KLF8: variants seen among roughly 807,000 people sequenced by gnomAD.
KLF8 encodes KLF transcription factor 8.
In KLF8, 10 loss-of-function variants were observed where a neutral mutation model predicts 18.2. The ratio of observed to expected loss-of-function variants is 0.55; its 90% CI spans 0.34 to 0.93. KLF8 has a LOEUF of 0.93. Among genes scored for constraint, KLF8 ranks in the 40% least tolerant of loss-of-function variants. The pLI, the probability that KLF8 is intolerant of heterozygous loss-of-function variation, is 0.02. For synonymous variants in KLF8, 109 were observed against 97.3 expected (o/e 1.12, Z -0.71); for missense variants, 264 against 277.9 (o/e 0.95, Z 0.36).
the KLF8 span, among the ~76,000 whole-genome samples, chrX:56,093,893 C>T: frequency 2.5e-4 from 23 of 91,956 alleles, no homozygotes; most frequent in Non-Finnish European, 4.3e-4. Context: ...ATGGCAACAA[C>T]GTATATATTA....
At chrX:56,050,408 G>A in the KLF8 span, among the ~76,000 whole-genome samples, 2 of 112,022 alleles carry the variant, frequency 1.8e-5, no homozygotes, top group African/African-American at 6.5e-5. Flanking sequence ...GGCATTTAGT[G>A]CTATAAATTT....
chrX:56,119,352 G>A, the KLF8 span, among the ~76,000 whole-genome samples: 1 of 111,113 alleles, frequency 9.0e-6, no homozygotes, highest in Non-Finnish European at 1.9e-5. Context: ...CATCCCAGGG[G>A]AGGCCAGCTG....
At chrX:56,024,606 A>G in the KLF8 span, among the ~76,000 whole-genome samples, 1 of 111,822 alleles carries the variant, frequency 8.9e-6, no homozygotes, top group Non-Finnish European at 1.9e-5. Flanking sequence ...AGGGCTCACA[A>G]TGCTAAAGAT....
At chrX:55,926,918 G>C in the KLF8 span, among the ~76,000 whole-genome samples, 2 of 111,165 alleles carry the variant, frequency 1.8e-5, no homozygotes, top group Admixed American at 1.9e-4. Flanking sequence ...GTGAGTTGTA[G>C]GAAGTGGAAT....
the KLF8 span, among the ~76,000 whole-genome samples, chrX:56,159,069 C>A: frequency 1.8e-4 from 20 of 111,808 alleles, no homozygotes; most frequent in Non-Finnish European, 7.5e-5. Flanking sequence ...CCATCAATAC[C>A]TAATTTATTG....
chrX:56,214,815 C>T, the KLF8 span, among the ~76,000 whole-genome samples: 1 of 112,035 alleles, frequency 8.9e-6, no homozygotes, highest in African/African-American at 3.2e-5. Flanking sequence ...ATTTACTCAG[C>T]ATCACAGAGC....
At chrX:55,990,813 C>T in the KLF8 span, among the ~76,000 whole-genome samples, 6 of 111,995 alleles carry the variant, frequency 5.4e-5, no homozygotes, top group East Asian at 2.8e-4. Context: ...TGCAGAACAG[C>T]GGATACTGGT....
At chrX:56,019,482 G>A in the KLF8 span, among the ~76,000 whole-genome samples, 1 of 112,556 alleles carries the variant, frequency 8.9e-6, no homozygotes, top group African/African-American at 3.2e-5. Context: ...TTCAGTTGAT[G>A]TATTGAGCAC....
At chrX:56,030,429 T>G in the KLF8 span, among the ~76,000 whole-genome samples, 7 of 111,711 alleles carry the variant, frequency 6.3e-5, no homozygotes, top group Admixed American at 2.9e-4. Context: ...CCAAGTAGTA[T>G]TATGAGTCTG....
intron 3 of KLF8, 37 bp from the exon 4 acceptor site, chrX:56,269,341 A>G: frequency 8.5e-7 from 1 of 1,170,603 alleles, no homozygotes; most frequent in South Asian, 2.0e-5. Context: ...AGGCACATAC[A>G]TCTTCAGCTC....
chrX:56,248,255 A>G (rs1602421860), intron 1 of KLF8, among the ~76,000 whole-genome samples: 1 of 110,601 alleles, frequency 9.0e-6, no homozygotes, highest in Non-Finnish European at 1.9e-5. Flanking sequence ...ACATGGATAC[A>G]TATGTAACAA....
the KLF8 span, among the ~76,000 whole-genome samples, chrX:56,024,313 T>C: frequency 1.8e-5 from 2 of 109,760 alleles, 1 homozygote; most frequent in East Asian, 5.7e-4. Flanking sequence ...GTTCAAGCTA[T>C]TCTCTTGCCT....
At chrX:56,023,201 T>C in the KLF8 span, among the ~76,000 whole-genome samples, 2 of 111,502 alleles carry the variant, frequency 1.8e-5, no homozygotes. Context: ...AACAAGGGAA[T>C]TAAGATGGTA....
the KLF8 span, among the ~76,000 whole-genome samples, chrX:55,935,588 T>C: frequency 8.9e-6 from 1 of 112,178 alleles, no homozygotes; most frequent in East Asian, 2.8e-4. Context: ...AATAGATAAT[T>C]ATGGAATTTT....
At chrX:56,143,499 G>C in the KLF8 span, among the ~76,000 whole-genome samples, 1 of 112,197 alleles carries the variant, frequency 8.9e-6, no homozygotes. Flanking sequence ...CCAGTGTCTA[G>C]AATAGTGCCT....
chrX:56,272,701 G>A (rs2147672265), intron 5 of KLF8, among the ~76,000 whole-genome samples: 1 of 111,165 alleles, frequency 9.0e-6, no homozygotes, highest in East Asian at 2.8e-4. Context: ...TTCTGTAAGT[G>A]CCCTCATTCC....
the KLF8 span, among the ~76,000 whole-genome samples, chrX:56,089,912 T>C: frequency 2.7e-5 from 3 of 112,264 alleles, no homozygotes; most frequent in African/African-American, 9.7e-5. Context: ...AAAATAAGTA[T>C]GCTGAAATAT....
At position 56,252,596 on chromosome X, in the gene KLF8, A is replaced by T. The variant is rs2066730492; in HGVS notation, c.81+2292A>T. 4.5e-5 allele frequency among the ~76,000 whole-genome samples: 5 copies of T among 112,115 alleles called. No individual in the cohort carries two copies. In the Admixed American group the frequency reaches 4.7e-4, roughly 11 times the overall value. On this transcript the variant is annotated intron_variant, in intron 2 of 5. Transcript: ENST00000468660. ...AATAGTACTCCATTGTGTATCTGTAACACATTTTCTTTATCCATTCATCTG... is the reference window on the plus strand; with the variant it reads ...AATAGTACTCCATTGTGTATCTGTATCACATTTTCTTTATCCATTCATCTG...
the KLF8 span, among the ~76,000 whole-genome samples, chrX:56,004,315 T>A: frequency 8.9e-6 from 1 of 112,357 alleles, no homozygotes; most frequent in Non-Finnish European, 1.9e-5. Context: ...ATGATGGTAA[T>A]GGTTTTATCA....
Sources: allele counts gnomAD v4.1 joint callset (sites outside exome capture counted in the v4.1 genomes callset), GRCh38; gene constraint gnomAD v4.1.1; transcripts MANE v1.5; gene names NCBI Gene and HGNC (gene_info 2026-07-23, HGNC 2026-07-21).